The following ATAD2 variants were observed in gnomAD, a reference collection of about 807,000 sequenced individuals.
ATAD2 encodes ATPase family AAA domain containing 2.
Under a neutral mutation model 168.9 loss-of-function variants are expected in ATAD2, and 62 were observed. That is an observed-to-expected ratio of 0.37 (90% CI 0.30 to 0.45). ATAD2 has a LOEUF of 0.45. Among genes scored for constraint, ATAD2 ranks in the 20% least tolerant of loss-of-function variants. ATAD2 has a pLI of 1.00. For missense variants in ATAD2, 1,419 were observed against 1,667.8 expected (o/e 0.85, Z 2.60); for synonymous variants, 613 against 571.6 (o/e 1.07, Z -1.03).
intron 13 of ATAD2, among the ~76,000 whole-genome samples, chr8:123,355,840 C>T (rs974044940): frequency 6.6e-6 from 1 of 152,188 alleles, no homozygotes; most frequent in African/African-American, 2.4e-5. Flanking sequence ...GACCCGCAGA[C>T]ATTTGTTTCT....
chr8:123,360,585 T>A (rs10089968), intron 9 of ATAD2, among the ~76,000 whole-genome samples: 3,639 of 152,218 alleles, frequency 0.024, 157 homozygotes, highest in African/African-American at 0.084. Context: ...TTCAAAAATA[T>A]TCAGAAATAG....
intron 1 of ATAD2, among the ~76,000 whole-genome samples, chr8:123,381,916 C>A (rs750923717): frequency 6.6e-6 from 1 of 151,986 alleles, no homozygotes; most frequent in Non-Finnish European, 1.5e-5. Flanking sequence ...CCTGGTGGTG[C>A]GTGCATGTAA....
At chr8:123,342,047 C>T (rs975082193) in intron 19 of ATAD2, among the ~76,000 whole-genome samples, 2 of 152,110 alleles carry the variant, frequency 1.3e-5, no homozygotes, top group African/African-American at 4.8e-5. Context: ...GATCGCACCC[C>T]TACGCTGCTA....
In ATAD2 at chr8:123,371,433, A is replaced by G. The variant is rs188639857; in HGVS notation, c.537-95T>C. ...TCTTCCATTGCAAACTTTTGGCACT[A>G]AGGTTTTAAATATTTTTATAAGAAG... is the stretch of plus-strand genomic sequence containing the variant. On this transcript the variant is annotated intron_variant, in intron 4 of 27. Transcript: ENST00000287394. 9.0e-6 allele frequency: 9 copies of G among 997,772 alleles called. No individual in the cohort carries two copies. The East Asian group carries it at 2.2e-4, about 24-fold the overall frequency. The allele number at this position is 997,772 out of a possible 1,614,324, so 61.8% of individuals were successfully genotyped here. A position where few individuals can be genotyped will look rare whatever the true frequency, so the allele number is the denominator to read the frequency against.
intron 19 of ATAD2, among the ~76,000 whole-genome samples, chr8:123,344,343 A>G (rs1052573895): frequency 6.9e-6 from 1 of 145,892 alleles, no homozygotes; most frequent in East Asian, 2.0e-4. Flanking sequence ...TTTTTTAAAT[A>G]CTTTTTTTTT....
intron 10 of ATAD2, 78 bp downstream of exon 10, chr8:123,359,499 T>G: frequency 1.4e-6 from 2 of 1,379,860 alleles, no homozygotes; most frequent in Non-Finnish European, 2.0e-6. Context: ...AGAAAAATCA[T>G]TGGTTCCTTT....
At chr8:123,412,252 A>G (rs1390438574) in intron 1 of ATAD2, among the ~76,000 whole-genome samples, 1 of 152,184 alleles carries the variant, frequency 6.6e-6, no homozygotes, top group African/African-American at 2.4e-5. Context: ...TGAGAGATGC[A>G]TTTGTATCTC....
intron 8 of ATAD2, among the ~76,000 whole-genome samples, chr8:123,363,629 TATTC>T (rs1285489567): frequency 6.6e-6 from 1 of 152,228 alleles, no homozygotes; most frequent in Non-Finnish European, 1.5e-5. Flanking sequence ...AAAACTAACT[TATTC>T]ATTATTACCA....
intron 24 of ATAD2, among the ~76,000 whole-genome samples, chr8:123,328,995 G>A (rs1396475178): frequency 6.6e-6 from 1 of 151,880 alleles, no homozygotes; most frequent in African/African-American, 2.4e-5. Flanking sequence ...TAGAGACGGG[G>A]TTTCAACCTG....
chr8:123,389,435 T>C lies in ATAD2; in HGVS notation c.171+6752A>G, dbSNP rs111582553. On this transcript the variant is annotated intron_variant, in intron 1 of 27. Coordinates refer to ENST00000287394, the MANE Select transcript of ATAD2 (RefSeq NM_014109.4). ...CGGGCGGATCACGAAGTCGGGAGAT[T>C]GAGACCATCCTGGCTATCACGGTGA... Among the ~76,000 whole-genome samples the C allele has an allele frequency of 8.5e-3, 1,265 of 149,502 alleles. 11 individuals are homozygous for C. Among genetic ancestry groups the C allele is most frequent in the African/African-American group, 0.029 (1,163 of 40,736 alleles).
At chr8:123,401,560 T>C (rs1316384738) in intron 1 of ATAD2, 2 of 1,500,214 alleles carry the variant, frequency 1.3e-6, no homozygotes, top group East Asian at 2.4e-5. Flanking sequence ...TGCGGCTCCC[T>C]CTGCATCACC....
intron 21 of ATAD2, among the ~76,000 whole-genome samples, chr8:123,336,801 T>C (rs2131299838): frequency 6.6e-6 from 1 of 152,192 alleles, no homozygotes; most frequent in East Asian, 1.9e-4. Flanking sequence ...CCTCATCCAA[T>C]TGCCACCCAT....
intron 20 of ATAD2, among the ~76,000 whole-genome samples, chr8:123,339,027 G>A (rs1827993559): frequency 6.6e-6 from 1 of 152,164 alleles, no homozygotes; most frequent in Non-Finnish European, 1.5e-5. Flanking sequence ...TTTAAAGATA[G>A]TGTTTTATGA....
In ATAD2 at chr8:123,320,207, GCTATTT is replaced by G; in HGVS notation, c.*921_*926del. ...TCCCCTCAAAAGGTTTCCAACAGAA[GCTATTT>G]CACAAACTGATTATTAGAATGTCTT... On this transcript the variant is annotated 3_prime_UTR_variant, in exon 28 of 28. Coordinates refer to ENST00000287394, the MANE Select transcript of ATAD2 (RefSeq NM_014109.4). The G allele has an allele frequency of 6.6e-6, 1 of 152,030 alleles. No homozygotes were observed. Among genetic ancestry groups the G allele is most frequent in the African/African-American group, 2.4e-5 (1 of 41,402 alleles). 9.4% of individuals were successfully genotyped at this position (152,030 alleles called of 1,614,324 possible).
At chr8:123,401,370 G>A (rs367903640), upstream of ATAD2, 28 of 1,402,162 alleles carry the variant, frequency 2.0e-5, no homozygotes, top group Middle Eastern at 2.2e-4. Flanking sequence ...TCACCCAGGC[G>A]GGTGTCGACG....
chr8:123,410,296 T>C (rs919902404), intron 1 of ATAD2, among the ~76,000 whole-genome samples: 1 of 152,154 alleles, frequency 6.6e-6, no homozygotes, highest in Non-Finnish European at 1.5e-5. Context: ...TATTTATTTA[T>C]TTATTTATTA....
At chr8:123,355,004 G>A (rs146648905) in intron 13 of ATAD2, among the ~76,000 whole-genome samples, 105 of 151,226 alleles carry the variant, frequency 6.9e-4, no homozygotes, top group African/African-American at 2.5e-3. Context: ...ATTATGAAGT[G>A]ATGGAAGTAT....
intron 6 of ATAD2, among the ~76,000 whole-genome samples, chr8:123,370,580 T>C (rs980797610): frequency 8.5e-5 from 13 of 152,236 alleles, no homozygotes; most frequent in African/African-American, 2.9e-4. Flanking sequence ...TAGATTATGG[T>C]AATTAAGTCC....
At chr8:123,401,793 A>T in intron 1 of ATAD2, 1 of 754,358 alleles carries the variant, frequency 1.3e-6, no homozygotes, top group Non-Finnish European at 2.4e-6. Context: ...CGGCTCAAGA[A>T]ATACTGGGGC....
Sources: gnomAD v4.1 joint callset for allele counts (sites outside exome capture counted in the v4.1 genomes callset) on GRCh38, gnomAD v4.1.1 for gene constraint, MANE v1.5 for transcripts, NCBI Gene and HGNC (gene_info 2026-07-23, HGNC 2026-07-21) for gene names.